The following KCND3 variants were observed in gnomAD, a reference collection of about 807,000 sequenced individuals.
KCND3 encodes potassium voltage-gated channel subfamily D member 3.
Under a neutral mutation model 51.1 loss-of-function variants are expected in KCND3, and 9 were observed. The observed-to-expected ratio is 0.18, with a 90% CI of 0.11 to 0.31. KCND3 has a LOEUF of 0.31. KCND3 is among the 10% of genes least tolerant of loss of function. KCND3 has a pLI of 1.00. For synonymous variants in KCND3, 349 were observed against 368.0 expected (o/e 0.95, Z 0.59); for missense variants, 526 against 903.8 (o/e 0.58, Z 5.36).
chr1:111,905,745 G>A (rs1415181815), intron 2 of KCND3, among the ~76,000 whole-genome samples: 3 of 152,294 alleles, frequency 2.0e-5, no homozygotes, highest in Middle Eastern at 3.4e-3. Context: ...CCCCAGCAGG[G>A]CATCAGAATC....
Position 111,831,171 on chromosome 1 carries a change from C to T in KCND3, c.1107-44065G>A, listed in dbSNP as rs55713386. On this transcript the variant is annotated intron_variant, in intron 2 of 7. Coordinates refer to ENST00000302127, the MANE Select transcript of KCND3 (RefSeq NM_001378969.1). ...AAAATTGATGAAGGTAAGACTCTTC[C>T]TTTCACAGGCTCAAAACTCTTGTCC... is the stretch of plus-strand genomic sequence containing the variant. Among the ~76,000 whole-genome samples, 1,237 of 152,116 alleles carry T rather than the reference C, an allele frequency of 8.1e-3. 15 individuals are homozygous for T. The highest frequency in any genetic ancestry group is 0.028 in the African/African-American group (1,173 of 41,484).
At chr1:111,961,138 G>C (rs866021644) in intron 2 of KCND3, among the ~76,000 whole-genome samples, 25 of 152,358 alleles carry the variant, frequency 1.6e-4, no homozygotes, top group Middle Eastern at 3.4e-3. Context: ...TTAGCAGCCA[G>C]GGGCTGGCGG....
intron 2 of KCND3, among the ~76,000 whole-genome samples, chr1:111,903,345 T>C (rs1315305901): frequency 2.0e-5 from 3 of 152,146 alleles, no homozygotes; most frequent in Non-Finnish European, 2.9e-5. Flanking sequence ...TCAACACGGA[T>C]GTAGTGGGGG....
At chr1:111,835,616 C>A (rs930660909) in intron 2 of KCND3, among the ~76,000 whole-genome samples, 2 of 152,202 alleles carry the variant, frequency 1.3e-5, no homozygotes, top group Admixed American at 6.5e-5. Context: ...CATTAGCATA[C>A]TAAAAGACAC....
At chr1:111,948,243 T>C (rs1672882947) in intron 2 of KCND3, among the ~76,000 whole-genome samples, 1 of 152,202 alleles carries the variant, frequency 6.6e-6, no homozygotes, top group Admixed American at 6.5e-5. Context: ...GGGCTGGTGC[T>C]GGCCATGGGC....
intron 2 of KCND3, among the ~76,000 whole-genome samples, chr1:111,829,637 C>T (rs1227564478): frequency 1.3e-5 from 2 of 152,128 alleles, no homozygotes; most frequent in African/African-American, 2.4e-5. Context: ...TGCCATTATC[C>T]ACTCACCTCC....
intron 2 of KCND3, among the ~76,000 whole-genome samples, chr1:111,873,098 T>G (rs1357916670): frequency 6.6e-6 from 1 of 152,238 alleles, no homozygotes; most frequent in Admixed American, 6.5e-5. Flanking sequence ...TTGGTCCCAG[T>G]GTCCGAAGAA....
chr1:111,816,233 G>C (rs193224392), intron 2 of KCND3, among the ~76,000 whole-genome samples: 28 of 152,220 alleles, frequency 1.8e-4, no homozygotes, highest in African/African-American at 6.5e-4. Flanking sequence ...CCGAGCACTG[G>C]AGCCTCTCAC....
At chr1:111,828,854 C>T (rs923598822) in intron 2 of KCND3, among the ~76,000 whole-genome samples, 6 of 152,200 alleles carry the variant, frequency 3.9e-5, no homozygotes, top group African/African-American at 1.2e-4. Context: ...ACCATGCTCA[C>T]AGCCCACTGT....
At chr1:111,798,348 A>T (rs1571653943) in intron 2 of KCND3, among the ~76,000 whole-genome samples, 1 of 152,068 alleles carries the variant, frequency 6.6e-6, no homozygotes, top group East Asian at 1.9e-4. Context: ...TGCTGTTCAA[A>T]TGTCACCTCC....
intron 2 of KCND3, among the ~76,000 whole-genome samples, chr1:111,980,158 A>G (rs1279879213): frequency 6.6e-6 from 1 of 151,912 alleles, no homozygotes; most frequent in Non-Finnish European, 1.5e-5. Flanking sequence ...ACAAGGTCAA[A>G]TGACCAAACA....
intron 2 of KCND3, among the ~76,000 whole-genome samples, chr1:111,882,440 C>T (rs970283777): frequency 6.6e-6 from 1 of 152,230 alleles, no homozygotes; most frequent in African/African-American, 2.4e-5. Context: ...CCCAGAACCT[C>T]TGAGGAAGAG....
intron 2 of KCND3, among the ~76,000 whole-genome samples, chr1:111,943,304 C>T (rs1672615884): frequency 6.6e-6 from 1 of 152,238 alleles, no homozygotes; most frequent in South Asian, 2.1e-4. Flanking sequence ...TTCCACTCAG[C>T]TCCTTCTCCA....
At chr1:111,967,160 C>A (rs75645996) in intron 2 of KCND3, among the ~76,000 whole-genome samples, 411 of 134,766 alleles carry the variant, frequency 3.0e-3, no homozygotes, top group African/African-American at 8.5e-3. Context: ...AAAACAAAAA[C>A]AAAAAAAAAA....
intron 2 of KCND3, among the ~76,000 whole-genome samples, chr1:111,828,513 C>CA (rs72504206): frequency 7.0e-5 from 7 of 99,646 alleles, no homozygotes; most frequent in African/African-American, 1.9e-4. Flanking sequence ...CAGGTGTTAT[C>CA]ACTGCTACCT....
intron 2 of KCND3, among the ~76,000 whole-genome samples, chr1:111,920,719 G>A (rs114225209): frequency 0.012 from 1,889 of 152,276 alleles, 35 homozygotes; most frequent in African/African-American, 0.042. Context: ...TCACGCTGAA[G>A]GTCCACTGCC....
intron 2 of KCND3, among the ~76,000 whole-genome samples, chr1:111,887,905 A>G (rs1240424322): frequency 4.6e-5 from 7 of 152,240 alleles, no homozygotes; most frequent in African/African-American, 1.7e-4. Flanking sequence ...ATCTTGAACA[A>G]TAATCTTACA....
At chr1:111,835,524 G>A (rs573900561) in intron 2 of KCND3, among the ~76,000 whole-genome samples, 6 of 152,228 alleles carry the variant, frequency 3.9e-5, no homozygotes, top group Middle Eastern at 3.4e-3. Context: ...AACAGGATGC[G>A]GTAAAGAAGC....
At chr1:111,976,538 A>G (rs1036437401) in intron 2 of KCND3, among the ~76,000 whole-genome samples, 1 of 152,398 alleles carries the variant, frequency 6.6e-6, no homozygotes, top group African/African-American at 2.4e-5. Context: ...GAGACACACT[A>G]TATATCAAGC....
Sources: allele counts gnomAD v4.1 joint callset (sites outside exome capture counted in the v4.1 genomes callset), GRCh38; gene constraint gnomAD v4.1.1; transcripts MANE v1.5; gene names NCBI Gene and HGNC (gene_info 2026-07-23, HGNC 2026-07-21).